Variants in GOLGB1 observed in about 807,000 individuals in gnomAD.
GOLGB1 encodes golgin subfamily B member 1.
In GOLGB1, 174 loss-of-function variants were observed where a neutral mutation model predicts 336.9. That is an observed-to-expected ratio of 0.52 (90% confidence interval 0.46 to 0.59). The LOEUF (loss-of-function observed/expected upper bound fraction) is 0.59. Among genes scored for constraint, GOLGB1 ranks in the 20% least tolerant of loss-of-function variants. GOLGB1 has a pLI of 0.00. For missense variants in GOLGB1, 3,331 were observed against 3,645.3 expected (o/e 0.91, Z 2.22); for synonymous variants, 1,208 against 1,289.2 (o/e 0.94, Z 1.35).
intron 16 of GOLGB1, 73 bp from the exon 17 acceptor site, chr3:121,677,103 C>T: frequency 6.4e-7 from 1 of 1,570,436 alleles, no homozygotes; most frequent in Non-Finnish European, 8.7e-7. Flanking sequence ...TCTAGAAATC[C>T]TGTCCGCCCC....
In GOLGB1 at chr3:121,696,804, T is replaced by G. The variant is rs756259020; in HGVS notation, c.3719A>C (p.Gln1240Pro). The G allele has an allele frequency of 2.5e-6, 4 of 1,614,016 alleles. No homozygotes were observed. In the South Asian group the frequency reaches 4.4e-5, roughly 18 times the overall value. Reference protein sequence around the residue: ...ENENIGDQLRQLQIQVRESID... With the variant: ...ENENIGDQLRPLQIQVRESID... The stretch of plus-strand genomic sequence containing the variant: ...GGATTCCCTTACTTGAATCTGGAGT[T>G]GCCTTAGCTGGTCTCCAATATTCTC... The change falls in exon 13 of 22, where the codon CAA (glutamine) becomes CCA (proline). Residue 1240 changes from glutamine to proline, a missense_variant. Physicochemically the swap from Gln to Pro is moderately conservative, Grantham distance 76. Transcript: ENST00000614479.
At chr3:121,746,104 C>T (rs954950059) in intron 1 of GOLGB1, among the ~76,000 whole-genome samples, 4 of 152,054 alleles carry the variant, frequency 2.6e-5, no homozygotes, top group African/African-American at 4.8e-5. Flanking sequence ...CACATTTTCC[C>T]ACAGAAACAC....
Position 121,665,091 on chromosome 3 carries a change from C to T in GOLGB1, c.9555-60G>A, listed in dbSNP as rs1162234202. 4.6e-6 allele frequency: 4 copies of T among 875,168 alleles called. No individual in the cohort carries two copies. The Admixed American group carries it at 7.4e-5, about 16-fold the overall frequency. The allele number at this position is 875,168 out of a possible 1,614,324, so 54.2% of individuals were successfully genotyped here. ...TCATAGCATGAGAGGCTGATCAGGC[C>T]CAGTCTTCCCAGTCATCCTGCCACA... On this transcript the variant is annotated intron_variant, in intron 20 of 21. Coordinates refer to ENST00000614479, the MANE Select transcript of GOLGB1 (RefSeq NM_001366282.2).
chr3:121,678,661 G>A (rs1216505697), intron 15 of GOLGB1, among the ~76,000 whole-genome samples: 5 of 151,798 alleles, frequency 3.3e-5, no homozygotes, highest in East Asian at 1.9e-4. Flanking sequence ...TCCACCTCCC[G>A]GGTTCAAGCA....
At chr3:121,666,306 C>T (rs886832549) in intron 20 of GOLGB1, among the ~76,000 whole-genome samples, 20 of 152,214 alleles carry the variant, frequency 1.3e-4, no homozygotes, top group African/African-American at 3.6e-4. Context: ...TGAATTAATA[C>T]GGCTTGCCCA....
At chr3:121,748,573 C>T (rs1244523046) in intron 1 of GOLGB1, among the ~76,000 whole-genome samples, 1 of 152,166 alleles carries the variant, frequency 6.6e-6, no homozygotes, top group Non-Finnish European at 1.5e-5. Flanking sequence ...ATTCCAAAAC[C>T]AAATCCTGCC....
intron 1 of GOLGB1, among the ~76,000 whole-genome samples, chr3:121,742,744 C>A (rs953621478): frequency 9.9e-5 from 15 of 152,148 alleles, no homozygotes; most frequent in African/African-American, 3.4e-4. Flanking sequence ...ACATCCAGAA[C>A]CTACAAAGAA....
At chr3:121,700,457 A>T (rs1330081343) in intron 11 of GOLGB1, among the ~76,000 whole-genome samples, 1 of 152,102 alleles carries the variant, frequency 6.6e-6, no homozygotes, top group Non-Finnish European at 1.5e-5. Context: ...ATGTGTATAT[A>T]TTGAGCATCA....
chr3:121,700,336 T>A (rs183033990), intron 11 of GOLGB1, among the ~76,000 whole-genome samples: 1 of 152,210 alleles, frequency 6.6e-6, no homozygotes, highest in African/African-American at 2.4e-5. Context: ...ATCTCCTCAA[T>A]GATCATATAA....
In GOLGB1 at chr3:121,680,846, A is replaced by G. The variant is rs565253268; in HGVS notation, c.8873+841T>C. Among the ~76,000 whole-genome samples the G allele has an allele frequency of 5.9e-5, 9 of 152,342 alleles. No individual in the cohort carries two copies. In the South Asian group the frequency reaches 1.9e-3, roughly 32 times the overall value. On this transcript the variant is annotated intron_variant, in intron 15 of 21. Coordinates refer to ENST00000614479, the MANE Select transcript of GOLGB1 (RefSeq NM_001366282.2). ...GAAAACGGACAAAAGACATGAACAGATATTTCATCAAAGAGGATATATGGA... is the reference window on the plus strand; with the variant it reads ...GAAAACGGACAAAAGACATGAACAGGTATTTCATCAAAGAGGATATATGGA...
At chr3:121,687,571 A>G (rs1184555868) in intron 14 of GOLGB1, among the ~76,000 whole-genome samples, 1 of 152,212 alleles carries the variant, frequency 6.6e-6, no homozygotes, top group African/African-American at 2.4e-5. Flanking sequence ...TTAAAATAAA[A>G]TCACAGTTAT....
intron 1 of GOLGB1, among the ~76,000 whole-genome samples, chr3:121,745,085 C>T (rs185920286): frequency 2.0e-5 from 3 of 152,230 alleles, no homozygotes; most frequent in Admixed American, 6.5e-5. Context: ...CAGTTGTAGG[C>T]TTTTGGTAGC....
chr3:121,677,505 T>C, intron 15 of GOLGB1, 55 bp from the exon 16 acceptor site: 2 of 1,209,772 alleles, frequency 1.7e-6, no homozygotes, highest in South Asian at 1.2e-5. Flanking sequence ...CTGGGCATGG[T>C]AGCTCGCACC....
In GOLGB1 at chr3:121,702,488, A is replaced by G. The variant is rs114886023; in HGVS notation, c.1512T>C (p.Ala504=). The G allele has an allele frequency of 2.4e-4, 351 of 1,449,820 alleles. 1 individual carries two copies. Among genetic ancestry groups the G allele is most frequent in the Non-Finnish European group, 2.8e-4 (309 of 1,086,448 alleles). The allele number at this position is 1,449,820 out of a possible 1,614,324, so 89.8% of individuals were successfully genotyped here. ...GTTTTCTTTTATACATACCATTCTC[A>G]GCTTTCAGCTCCTCCAGCTCTATAG... is the stretch of plus-strand genomic sequence containing the variant. ...LSSIELEELK[A]ENEKLSSQIT... The change falls in exon 11 of 22, where the codon GCT becomes GCC. Residue 504 remains alanine, a synonymous_variant. Coordinates refer to ENST00000614479, the MANE Select transcript of GOLGB1 (RefSeq NM_001366282.2).
In GOLGB1 at chr3:121,691,013, CTGTT is replaced by C. The variant is rs1296538831; in HGVS notation, c.8347_8350del (p.Asn2783GlufsTer14). The C allele has an allele frequency of 2.5e-6, 4 of 1,613,812 alleles. No homozygotes were observed. The highest frequency in any genetic ancestry group is 2.2e-5 in the East Asian group (1 of 44,892). ...TTCAGAAAGAAGAGCATCTCTCTCT[CTGTT>C]TAAGAGTCCCTGTTCTTTCAACTGT... On this transcript the variant is annotated frameshift_variant, in exon 14 of 22. Coordinates refer to ENST00000614479, the MANE Select transcript of GOLGB1 (RefSeq NM_001366282.2). LOFTEE classifies it high-confidence loss of function.
At chr3:121,671,488 C>T (rs1288122279) in intron 17 of GOLGB1, among the ~76,000 whole-genome samples, 1 of 152,032 alleles carries the variant, frequency 6.6e-6, no homozygotes, top group Admixed American at 6.5e-5. Context: ...ACACAACCTC[C>T]CAGATACTTA....
At chr3:121,675,633 G>A (rs534904714) in intron 17 of GOLGB1, among the ~76,000 whole-genome samples, 47 of 152,146 alleles carry the variant, frequency 3.1e-4, no homozygotes, top group Non-Finnish European at 5.6e-4. Flanking sequence ...AGGGACTTCT[G>A]GAGTTCTGGT....
rs375380355 is a variant in GOLGB1 at position 121,711,218 on chromosome 3, T to C, written c.1404+3643A>G. Among the ~76,000 whole-genome samples, 12 of 152,016 alleles carry C rather than the reference T, an allele frequency of 7.9e-5. No individual in the cohort carries two copies. In the East Asian group the frequency reaches 1.4e-3, roughly 17 times the overall value. On this transcript the variant is annotated intron_variant, in intron 10 of 21. Coordinates refer to ENST00000614479, the MANE Select transcript of GOLGB1 (RefSeq NM_001366282.2). ...AAAAATAAATAAATAGAAAAATTTT[T>C]AGGAGGATTGCTACAACTAGACATT... is the stretch of plus-strand genomic sequence containing the variant.
intron 1 of GOLGB1, among the ~76,000 whole-genome samples, chr3:121,741,283 T>C (rs186035856): frequency 1.8e-4 from 28 of 152,190 alleles, no homozygotes; most frequent in African/African-American, 6.7e-4. Context: ...GAGCATTAAA[T>C]ATACGGTTAC....
Sources: gnomAD v4.1 joint callset for allele counts (sites outside exome capture counted in the v4.1 genomes callset) on GRCh38, gnomAD v4.1.1 for gene constraint, MANE v1.5 for transcripts, NCBI Gene and HGNC (gene_info 2026-07-23, HGNC 2026-07-21) for gene names.